The following ITGAE variants were observed in gnomAD, a reference collection of about 807,000 sequenced individuals.
ITGAE encodes the protein integrin subunit alpha E, also known as integrin alpha-E.
Under a neutral mutation model 136.5 loss-of-function variants are expected in ITGAE, and 99 were observed. The ratio of observed to expected loss-of-function variants is 0.73; its 90% confidence interval spans 0.62 to 0.86. The LOEUF (loss-of-function observed/expected upper bound fraction) is 0.86. Ranked by LOEUF, ITGAE falls within the 40% of genes least tolerant of loss-of-function variation. The pLI is 0.00. For missense variants in ITGAE, 1,447 were observed against 1,515.3 expected, an observed-to-expected ratio of 0.95 and a Z score of 0.75; for synonymous variants, 613 against 591.8, an observed-to-expected ratio of 1.04 and a Z score of -0.52.
chr17:3,719,523 A>T (rs1186097699), intron 29 of ITGAE, among the ~76,000 whole-genome samples: 1 of 152,222 alleles, frequency 6.6e-6, no homozygotes, highest in South Asian at 2.1e-4. Flanking sequence ...CAAAGCATTC[A>T]GTCCACAAAT....
At chr17:3,745,496 C>G (rs989717531) in intron 18 of ITGAE, among the ~76,000 whole-genome samples, 4 of 152,126 alleles carry the variant, frequency 2.6e-5, no homozygotes, top group Admixed American at 2.6e-4. Context: ...CACCCGCCAT[C>G]ACGCCCGGCT....
chr17:3,780,175 T>G (rs558252226), intron 1 of ITGAE, among the ~76,000 whole-genome samples: 10 of 150,534 alleles, frequency 6.6e-5, no homozygotes, highest in Admixed American at 2.6e-4. Flanking sequence ...TTATTTGTTT[T>G]TTTTTTTTTT....
At chr17:3,780,933 G>A (rs980627486) in intron 1 of ITGAE, among the ~76,000 whole-genome samples, 1 of 151,246 alleles carries the variant, frequency 6.6e-6, no homozygotes, top group Non-Finnish European at 1.5e-5. Context: ...CCAACTCCTG[G>A]GCTCAAGTAA....
Position 3,743,662 on chromosome 17 carries a change from G to A in ITGAE, c.2320-45C>T, listed in dbSNP as rs777093811. The A allele has an allele frequency of 1.9e-5, 30 of 1,561,908 alleles. No individual in the cohort carries two copies. The Middle Eastern group carries it at 6.8e-4, about 35-fold the overall frequency. On this transcript the variant is annotated intron_variant, in intron 18 of 30. Coordinates refer to ENST00000263087, the MANE Select transcript of ITGAE (RefSeq NM_002208.5). Reference sequence around the variant, plus strand: ...GGCAGGGTTAGAGTTGGATGTGGGGGAGAAGATGACAACAATAATGCTTTT... The same window carrying A: ...GGCAGGGTTAGAGTTGGATGTGGGGAAGAAGATGACAACAATAATGCTTTT...
chr17:3,756,892 T>G, intron 10 of ITGAE, 92 bp downstream of exon 10: 1 of 1,363,720 alleles, frequency 7.3e-7, no homozygotes, highest in Non-Finnish European at 1.0e-6. Context: ...ATGATGGGAG[T>G]TGCTCAGAGA....
chr17:3,789,786 C>T (rs928898887), intron 1 of ITGAE, among the ~76,000 whole-genome samples: 41 of 152,172 alleles, frequency 2.7e-4, no homozygotes, highest in African/African-American at 9.6e-4. Flanking sequence ...CAGGCGTGAG[C>T]CACCTCACCC....
At chr17:3,800,818 A>G (rs1488737416) in intron 1 of ITGAE, among the ~76,000 whole-genome samples, 2 of 152,186 alleles carry the variant, frequency 1.3e-5, no homozygotes, top group South Asian at 4.1e-4. Flanking sequence ...CCATGGGGAG[A>G]GGGCCTCGGT....
At chr17:3,755,091 C>A in intron 12 of ITGAE, 26 bp downstream of exon 12, 1 of 1,571,534 alleles carries the variant, frequency 6.4e-7, no homozygotes, top group South Asian at 1.2e-5. Flanking sequence ...GGTGGCCCCG[C>A]CCTCATCAGG....
At chr17:3,719,171 G>A (rs931376444) in intron 29 of ITGAE, among the ~76,000 whole-genome samples, 1 of 148,838 alleles carries the variant, frequency 6.7e-6, no homozygotes, top group Non-Finnish European at 1.5e-5. Context: ...GGGAGGTGGA[G>A]GTTGCAGTGA....
chr17:3,762,589 A>ATTTTTTTTTT (rs1201695419), intron 3 of ITGAE, among the ~76,000 whole-genome samples: 1 of 111,782 alleles, frequency 8.9e-6, no homozygotes, highest in Non-Finnish European at 1.8e-5. Flanking sequence ...TCAGACAAGG[A>ATTTTTTTTTT]TTTTTTTTTT....
chr17:3,722,579 C>T (rs933253826), intron 28 of ITGAE: 5 of 151,818 alleles, frequency 3.3e-5, no homozygotes, highest in African/African-American at 1.2e-4. Context: ...AGCAAAGGAA[C>T]AGCAAGTACA....
intron 16 of ITGAE, among the ~76,000 whole-genome samples, chr17:3,749,586 G>A (rs994535555): frequency 5.9e-5 from 9 of 152,174 alleles, no homozygotes; most frequent in Non-Finnish European, 1.0e-4. Context: ...ACTTCGGGAT[G>A]ACTGTGAGCA....
In ITGAE at chr17:3,750,401, C is replaced by T. The variant is rs753204904; in HGVS notation, c.1975G>A (p.Gly659Ser). 1.9e-5 allele frequency: 30 copies of T among 1,614,050 alleles called. No homozygotes were observed. The highest frequency in any genetic ancestry group is 2.3e-5 in the Non-Finnish European group (27 of 1,180,048). The change falls in exon 16 of 31, where the codon GGC becomes AGC. Residue 659 changes from glycine (G) to serine (S), a missense_variant. Coordinates refer to ENST00000263087, the MANE Select transcript of ITGAE (RefSeq NM_002208.5). ...MAGGFDISGD[G>S]LADITVGTLG... ...GTGCCCACGGTGATGTCGGCAAGGCCGTCGCCACTAATATCAAAGCCACCA... is the reference window on the plus strand; with the variant it reads ...GTGCCCACGGTGATGTCGGCAAGGCTGTCGCCACTAATATCAAAGCCACCA...
chr17:3,753,506 G>C (rs2051923113), intron 13 of ITGAE, 76 bp from the exon 14 acceptor site: 1 of 1,539,822 alleles, frequency 6.5e-7, no homozygotes, highest in African/African-American at 1.4e-5. Flanking sequence ...CCCTGCCCGC[G>C]TGCTTCCTGG....
intron 1 of ITGAE, among the ~76,000 whole-genome samples, chr17:3,797,175 T>A (rs1463091800): frequency 3.1e-5 from 4 of 128,636 alleles, no homozygotes; most frequent in African/African-American, 1.1e-4. Context: ...TTTTTTTTTT[T>A]TTTTTTTTGA....
chr17:3,772,924 C>T (rs2052460189), intron 2 of ITGAE, among the ~76,000 whole-genome samples: 1 of 152,166 alleles, frequency 6.6e-6, no homozygotes, highest in Non-Finnish European at 1.5e-5. Context: ...GGCAAGCAGT[C>T]CTTCGGCAAC....
intron 21 of ITGAE, among the ~76,000 whole-genome samples, chr17:3,733,507 CACCT>C (rs2051393322): frequency 6.6e-6 from 1 of 152,134 alleles, no homozygotes. Flanking sequence ...CTCCAATCTC[CACCT>C]CCGGGTTCAA....
intron 26 of ITGAE, 96 bp from the exon 27 acceptor site, chr17:3,723,840 A>G (rs570909852): frequency 1.2e-5 from 18 of 1,535,836 alleles, no homozygotes; most frequent in Non-Finnish European, 1.4e-5. Context: ...GCGCATGCGC[A>G]GGGCCGGGAG....
chr17:3,778,433 C>T (rs748047546), intron 1 of ITGAE, among the ~76,000 whole-genome samples: 10 of 152,084 alleles, frequency 6.6e-5, no homozygotes, highest in Non-Finnish European at 1.5e-4. Flanking sequence ...CGCGGTGGCA[C>T]GTTCCTGTAA....
Sources: gnomAD v4.1 joint callset for allele counts (sites outside exome capture counted in the v4.1 genomes callset) on GRCh38, gnomAD v4.1.1 for gene constraint, MANE v1.5 for transcripts, NCBI Gene and HGNC (gene_info 2026-07-23, HGNC 2026-07-21) for gene names.